Variants in KAZN observed in about 807,000 individuals in gnomAD.
The protein encoded by KAZN is kazrin, periplakin interacting protein.
In KAZN, 40 loss-of-function variants were observed where a neutral mutation model predicts 87.4. The observed-to-expected ratio is 0.46, with a 90% CI of 0.36 to 0.60. The LOEUF (loss-of-function observed/expected upper bound fraction) is 0.60, where lower values mean the gene tolerates loss of function less well. KAZN is among the 20% of genes least tolerant of loss of function. The pLI, the probability that KAZN is intolerant of heterozygous loss-of-function variation, is 0.00. For synonymous variants in KAZN, 466 were observed against 458.3 expected, an observed-to-expected ratio of 1.02 and a Z score of -0.22; for missense variants, 898 against 1,073.9, an observed-to-expected ratio of 0.84 and a Z score of 2.29.
At chr1:14,957,227 C>T (rs531700931) in intron 1 of KAZN, among the ~76,000 whole-genome samples, 3 of 152,320 alleles carry the variant, frequency 2.0e-5, no homozygotes, top group South Asian at 2.1e-4. Flanking sequence ...TGCTAAGAGA[C>T]TTGCTGCCTC....
At chr1:14,861,399 A>G (rs1300831677) in intron 1 of KAZN, among the ~76,000 whole-genome samples, 1 of 152,200 alleles carries the variant, frequency 6.6e-6, no homozygotes, top group Non-Finnish European at 1.5e-5. Flanking sequence ...AAGCAATGGC[A>G]AAAACTGCAA....
chr1:15,101,415 T>C, intron 10 of KAZN, 128 bp from the exon 11 acceptor site: 3 of 656,450 alleles, frequency 4.6e-6, no homozygotes, highest in South Asian at 3.6e-5. Context: ...TCTGTCTCTG[T>C]GGCTCTCTTG....
chr1:14,704,777 A>C (rs2148811601), intron 1 of KAZN, among the ~76,000 whole-genome samples: 1 of 152,326 alleles, frequency 6.6e-6, no homozygotes, highest in Non-Finnish European at 1.5e-5. Flanking sequence ...GTGCAGAGAC[A>C]TGGCAGGAGG....
chr1:14,190,126 C>G (rs933924131), intron 2 of KAZN, among the ~76,000 whole-genome samples: 2 of 152,026 alleles, frequency 1.3e-5, no homozygotes, highest in Non-Finnish European at 2.9e-5. Flanking sequence ...GCTAGAAACA[C>G]GATGAGCCAT....
chr1:14,566,154 G>A (rs1441095114), intron 2 of KAZN, among the ~76,000 whole-genome samples: 2 of 152,176 alleles, frequency 1.3e-5, no homozygotes, highest in African/African-American at 4.8e-5. Context: ...AAGATTGAAA[G>A]TCTAAATTAC....
At position 15,034,683 on chromosome 1, in the gene KAZN, T is replaced by C; in HGVS notation, c.419-66T>C. ...AAGGTGACGGCGGTGATGCCACTTC[T>C]CAGCACTCAGGCATCTGGAGAGGAC... On this transcript the variant is annotated intron_variant, in intron 2 of 14. Coordinates refer to ENST00000376030, the MANE Select transcript of KAZN (RefSeq NM_201628.3). 1.9e-6 allele frequency: 3 copies of C among 1,588,748 alleles called. No individual in the cohort carries two copies. In the East Asian group the frequency reaches 6.8e-5, roughly 36 times the overall value.
chr1:14,316,429 T>C (rs1471388076), intron 2 of KAZN, among the ~76,000 whole-genome samples: 1 of 152,040 alleles, frequency 6.6e-6, no homozygotes, highest in Non-Finnish European at 1.5e-5. Flanking sequence ...ATTCCTAATA[T>C]TGGTAATTTG....
intron 1 of KAZN, among the ~76,000 whole-genome samples, chr1:14,652,715 A>C (rs1213118105): frequency 2.4e-5 from 3 of 124,620 alleles, no homozygotes; most frequent in Non-Finnish European, 4.8e-5. Flanking sequence ...GCACCCATTC[A>C]TTCATCCACC....
chr1:14,976,776 G>A (rs1469700618), intron 2 of KAZN, among the ~76,000 whole-genome samples: 2 of 152,182 alleles, frequency 1.3e-5, no homozygotes, highest in African/African-American at 4.8e-5. Flanking sequence ...GCTCTAGGCA[G>A]GGCGCGGTGG....
chr1:14,792,714 A>AT (rs1645713216), intron 1 of KAZN, among the ~76,000 whole-genome samples: 1 of 152,202 alleles, frequency 6.6e-6, no homozygotes, highest in Admixed American at 6.5e-5. Flanking sequence ...GCAATGGCTC[A>AT]TGCCTGTAAT....
Position 14,562,976 on chromosome 1 carries a change from T to C in KAZN, c.250-36007T>C, listed in dbSNP as rs76249074. ...TGTGGAAGACAGCGTTGTGGATCAT[T>C]TAAGAGGCCTTAGAAGTGGCACTTT... On this transcript the variant is annotated intron_variant, in intron 2 of 16. Transcript: ENST00000636203. Among the ~76,000 whole-genome samples the C allele has an allele frequency of 2.5e-3, 387 of 152,282 alleles. 1 individual carries two copies. Among genetic ancestry groups the C allele is most frequent in the African/African-American group, 9.2e-3 (381 of 41,554 alleles).
intron 2 of KAZN, among the ~76,000 whole-genome samples, chr1:14,190,218 C>T (rs1001653942): frequency 6.6e-6 from 1 of 152,136 alleles, no homozygotes; most frequent in African/African-American, 2.4e-5. Context: ...CTTATACCAA[C>T]AACCTGAAAG....
At chr1:14,849,937 C>G (rs936566766) in intron 1 of KAZN, among the ~76,000 whole-genome samples, 11 of 149,928 alleles carry the variant, frequency 7.3e-5, no homozygotes, top group East Asian at 5.8e-4. Context: ...TTCTACCCCC[C>G]CTTTTTTTTT....
chr1:14,049,730 C>A (rs770217402), intron 1 of KAZN, among the ~76,000 whole-genome samples: 1 of 152,208 alleles, frequency 6.6e-6, no homozygotes, highest in Non-Finnish European at 1.5e-5. Context: ...CTGATGTTGA[C>A]GGAGATTTTT....
At chr1:14,669,387 C>T (rs1159995700) in intron 1 of KAZN, among the ~76,000 whole-genome samples, 2 of 152,174 alleles carry the variant, frequency 1.3e-5, no homozygotes, top group African/African-American at 4.8e-5. Context: ...TATCTGACCC[C>T]AAATGTCCAC....
At chr1:13,910,978 G>A (rs1299628810) in intron 1 of KAZN, among the ~76,000 whole-genome samples, 2 of 152,076 alleles carry the variant, frequency 1.3e-5, no homozygotes, top group African/African-American at 4.8e-5. Context: ...GAAGACAAAG[G>A]GGAAGGAGGT....
intron 2 of KAZN, among the ~76,000 whole-genome samples, chr1:14,559,370 C>T (rs954565696): frequency 2.0e-5 from 3 of 152,182 alleles, no homozygotes; most frequent in African/African-American, 7.2e-5. Flanking sequence ...GAGTTAATGC[C>T]ATTCCATCCT....
intron 2 of KAZN, among the ~76,000 whole-genome samples, chr1:14,509,000 A>G (rs1201973133): frequency 1.3e-5 from 2 of 152,202 alleles, no homozygotes; most frequent in African/African-American, 4.8e-5. Context: ...GCTTATTGGA[A>G]CCAGTGGAAA....
chr1:14,060,156 G>A (rs1401502448), intron 1 of KAZN, among the ~76,000 whole-genome samples: 2 of 152,098 alleles, frequency 1.3e-5, no homozygotes, highest in South Asian at 2.1e-4. Context: ...AAGGTCAGGA[G>A]ATCGAGACCA....
Sources: allele counts gnomAD v4.1 joint callset (sites outside exome capture counted in the v4.1 genomes callset), GRCh38; gene constraint gnomAD v4.1.1; transcripts MANE v1.5; gene names NCBI Gene and HGNC (gene_info 2026-07-23, HGNC 2026-07-21).